Variants in CDH12 observed in about 807,000 individuals in gnomAD.
CDH12 encodes cadherin 12, also known as cadherin-12.
A neutral mutation model predicts 74.1 loss-of-function variants in CDH12; 41 were observed. The observed-to-expected ratio is 0.55, with a 90% CI of 0.43 to 0.72. The LOEUF (loss-of-function observed/expected upper bound fraction) is 0.72. Ranked by LOEUF, CDH12 falls within the 30% of genes least tolerant of loss-of-function variation. The probability of loss-of-function intolerance (pLI) is 0.00; values close to 1 mark genes in which losing one functional copy is unlikely to be tolerated. For synonymous variants in CDH12, 399 were observed against 355.0 expected, an observed-to-expected ratio of 1.12 and a Z score of -1.39; for missense variants, 945 against 977.2, an observed-to-expected ratio of 0.97 and a Z score of 0.44.
intron 8 of CDH12, among the ~76,000 whole-genome samples, chr5:21,839,967 AAC>A (rs1749749169): frequency 6.6e-6 from 1 of 152,302 alleles, no homozygotes; most frequent in African/African-American, 2.4e-5. Flanking sequence ...TTCAACAAGA[AAC>A]ACAGAGTTAT....
At chr5:22,573,643 T>A (rs527777773) in intron 1 of CDH12, among the ~76,000 whole-genome samples, 1 of 152,302 alleles carries the variant, frequency 6.6e-6, no homozygotes, top group Non-Finnish European at 1.5e-5. Context: ...AAAATTATAT[T>A]GATCTTTTAA....
At chr5:21,994,785 G>C (rs114801789) in intron 5 of CDH12, among the ~76,000 whole-genome samples, 2 of 152,144 alleles carry the variant, frequency 1.3e-5, no homozygotes, top group African/African-American at 2.4e-5. Flanking sequence ...ACCAATCAGC[G>C]TTCTGTGACT....
intron 3 of CDH12, among the ~76,000 whole-genome samples, chr5:22,264,564 G>T (rs1753639712): frequency 6.6e-6 from 1 of 152,114 alleles, no homozygotes; most frequent in African/African-American, 2.4e-5. Flanking sequence ...ATGAACCAAG[G>T]TGTGTGAGTA....
At chr5:22,264,650 G>T (rs1341533872) in intron 3 of CDH12, among the ~76,000 whole-genome samples, 1 of 152,150 alleles carries the variant, frequency 6.6e-6, no homozygotes, top group African/African-American at 2.4e-5. Flanking sequence ...TTCATCATTT[G>T]CCAGCAGCTT....
At chr5:22,616,132 A>G (rs1737676635) in intron 1 of CDH12, among the ~76,000 whole-genome samples, 1 of 152,152 alleles carries the variant, frequency 6.6e-6, no homozygotes, top group Non-Finnish European at 1.5e-5. Flanking sequence ...TCAAAGACAT[A>G]TAAACTCTAT....
intron 4 of CDH12, among the ~76,000 whole-genome samples, chr5:22,148,121 C>A (rs4642331): frequency 2.6e-5 from 4 of 151,924 alleles, no homozygotes; most frequent in Non-Finnish European, 5.9e-5. Flanking sequence ...CGACCACCTA[C>A]AAATCTATTA....
chr5:21,844,251 T>C (rs1378312704), intron 7 of CDH12, among the ~76,000 whole-genome samples: 1 of 152,118 alleles, frequency 6.6e-6, no homozygotes, highest in African/African-American at 2.4e-5. Flanking sequence ...AAAGAATAAC[T>C]TCTTGAAAAA....
At chr5:22,402,374 C>A (rs1742764082) in intron 3 of CDH12, among the ~76,000 whole-genome samples, 1 of 152,122 alleles carries the variant, frequency 6.6e-6, no homozygotes, top group Non-Finnish European at 1.5e-5. Flanking sequence ...CTGGTGATGT[C>A]TCCAAAGAAA....
chr5:22,392,994 C>T (rs1198642273), intron 3 of CDH12, among the ~76,000 whole-genome samples: 2 of 152,052 alleles, frequency 1.3e-5, no homozygotes, highest in African/African-American at 4.8e-5. Flanking sequence ...ATAGATACCT[C>T]TTATATGGAT....
At chr5:22,697,882 G>A (rs1036073278) in intron 1 of CDH12, among the ~76,000 whole-genome samples, 4 of 152,010 alleles carry the variant, frequency 2.6e-5, no homozygotes, top group Non-Finnish European at 5.9e-5. Flanking sequence ...AAGAGGCCCT[G>A]AGAAGACACA....
At chr5:22,134,519 C>G (rs891540206) in intron 4 of CDH12, among the ~76,000 whole-genome samples, 6 of 150,608 alleles carry the variant, frequency 4.0e-5, no homozygotes, top group Admixed American at 2.0e-4. Flanking sequence ...AATAGATTCA[C>G]TCAGGGAGAC....
intron 4 of CDH12, among the ~76,000 whole-genome samples, chr5:22,203,884 T>C (rs1253728713): frequency 2.0e-5 from 3 of 152,214 alleles, no homozygotes; most frequent in African/African-American, 7.2e-5. Context: ...TTGGCCATTG[T>C]ATGTCCCCCT....
intron 1 of CDH12, among the ~76,000 whole-genome samples, chr5:22,553,490 G>A (rs1738666451): frequency 1.3e-5 from 2 of 151,852 alleles, no homozygotes; most frequent in South Asian, 2.1e-4. Context: ...GAGTACATTG[G>A]GAATTTGAAA....
chr5:22,504,586 A>G (rs1736304321), intron 2 of CDH12, among the ~76,000 whole-genome samples: 1 of 152,070 alleles, frequency 6.6e-6, no homozygotes, highest in African/African-American at 2.4e-5. Flanking sequence ...CTACAGCCTA[A>G]GTAAGGGTAG....
chr5:22,113,164 C>T (rs772719714), intron 4 of CDH12, among the ~76,000 whole-genome samples: 1 of 152,074 alleles, frequency 6.6e-6, no homozygotes, highest in Non-Finnish European at 1.5e-5. Flanking sequence ...CATAACATTA[C>T]GAGACAAGGA....
chr5:22,308,245 C>T (rs750660551), intron 3 of CDH12, among the ~76,000 whole-genome samples: 21 of 152,064 alleles, frequency 1.4e-4, no homozygotes, highest in Non-Finnish European at 2.5e-4. Context: ...TTCTAAATTA[C>T]TATTCTAGAG....
intron 3 of CDH12, among the ~76,000 whole-genome samples, chr5:22,324,719 A>C (rs1436656564): frequency 6.6e-6 from 1 of 152,152 alleles, no homozygotes; most frequent in Non-Finnish European, 1.5e-5. Flanking sequence ...AAAAATAAAT[A>C]AAAGAATTTA....
chr5:22,479,037 T>A (rs1746284182), intron 2 of CDH12, among the ~76,000 whole-genome samples: 2 of 152,188 alleles, frequency 1.3e-5, no homozygotes. Flanking sequence ...TTAGAGGCCA[T>A]TATCTGGATA....
chr5:22,752,968 T>A (rs1287958820), intron 1 of CDH12, among the ~76,000 whole-genome samples: 1 of 151,920 alleles, frequency 6.6e-6, no homozygotes, highest in African/African-American at 2.4e-5. Context: ...TTGAACGGTG[T>A]TAAATGTCAC....
Sources: gnomAD v4.1 joint callset for allele counts (sites outside exome capture counted in the v4.1 genomes callset) on GRCh38, gnomAD v4.1.1 for gene constraint, MANE v1.5 for transcripts, NCBI Gene and HGNC (gene_info 2026-07-23, HGNC 2026-07-21) for gene names.